The following ATF7IP variants were observed in gnomAD, a reference collection of about 807,000 sequenced individuals.
ATF7IP encodes activating transcription factor 7-interacting protein 1.
ATF7IP carries 23 observed loss-of-function variants against 106.4 expected under a neutral mutation model. The observed-to-expected ratio is 0.22, with a 90% CI of 0.16 to 0.31. ATF7IP has a LOEUF of 0.31. Among genes scored for constraint, ATF7IP ranks in the 10% least tolerant of loss-of-function variants. ATF7IP has a pLI of 1.00. For missense variants in ATF7IP, 1,334 were observed against 1,524.3 expected (o/e 0.88, Z 2.08); for synonymous variants, 542 against 539.0 (o/e 1.01, Z -0.08).
In ATF7IP at chr12:14,460,401, A is replaced by G. The variant is rs1943591792; in HGVS notation, c.2159-94A>G. ...AAAGACTTTACAGTCTTTGCAATGT[A>G]TTACGCAATGTATTTAATTTGTGTC... On this transcript the variant is annotated intron_variant, in intron 8 of 14. Transcript: ENST00000261168. The G allele has an allele frequency of 4.8e-6, 6 of 1,253,676 alleles. No individual in the cohort carries two copies. In the South Asian group the frequency reaches 7.4e-5, roughly 15 times the overall value. The allele number at this position is 1,253,676 out of a possible 1,614,324, so 77.7% of individuals were successfully genotyped here.
At chr12:14,462,460 A>C (rs1467318029) in intron 9 of ATF7IP, among the ~76,000 whole-genome samples, 1 of 151,956 alleles carries the variant, frequency 6.6e-6, no homozygotes, top group Non-Finnish European at 1.5e-5. Flanking sequence ...CTCCTTATGA[A>C]ATTTTGAGGC....
intron 1 of ATF7IP, among the ~76,000 whole-genome samples, chr12:14,366,641 T>C (rs996860299): frequency 4.6e-5 from 7 of 152,220 alleles, no homozygotes; most frequent in African/African-American, 1.7e-4. Context: ...GTTTTAAGTT[T>C]CTTAGGTGAC....
At chr12:14,471,399 A>G (rs1944038568) in intron 10 of ATF7IP, among the ~76,000 whole-genome samples, 2 of 151,962 alleles carry the variant, frequency 1.3e-5, no homozygotes, top group Admixed American at 1.3e-4. Context: ...TTCTTCCTTT[A>G]ATTTTGTCAG....
chr12:14,463,897 A>C (rs1943731537), intron 9 of ATF7IP, among the ~76,000 whole-genome samples: 1 of 152,218 alleles, frequency 6.6e-6, no homozygotes, highest in African/African-American at 2.4e-5. Flanking sequence ...GACATTGTTA[A>C]ATGCTGTTCC....
At chr12:14,410,196 G>A (rs981463664) in intron 1 of ATF7IP, among the ~76,000 whole-genome samples, 1 of 152,032 alleles carries the variant, frequency 6.6e-6, no homozygotes, top group Non-Finnish European at 1.5e-5. Context: ...CACAGTTTTC[G>A]TTTTCTGTGG....
intron 13 of ATF7IP, among the ~76,000 whole-genome samples, chr12:14,488,410 G>T (rs1292648074): frequency 6.6e-6 from 1 of 152,102 alleles, no homozygotes; most frequent in African/African-American, 2.4e-5. Context: ...TCCAGCACAG[G>T]AAAAAGATGT....
intron 13 of ATF7IP, among the ~76,000 whole-genome samples, chr12:14,489,951 C>T (rs1945335230): frequency 6.6e-6 from 1 of 152,168 alleles, no homozygotes; most frequent in African/African-American, 2.4e-5. Context: ...TCTTCCCTTT[C>T]CATGATGGAA....
chr12:14,385,242 T>A, intron 1 of ATF7IP: 1 of 606,064 alleles, frequency 1.6e-6, no homozygotes, highest in Non-Finnish European at 2.7e-6. Flanking sequence ...GAGTTTTCAC[T>A]GTGTGAGTTC....
intron 10 of ATF7IP, among the ~76,000 whole-genome samples, chr12:14,470,109 G>C (rs565009840): frequency 2.8e-4 from 43 of 152,168 alleles, no homozygotes; most frequent in African/African-American, 1.0e-3. Context: ...CAACGTTCTT[G>C]ATAACTAACC....
Position 14,396,335 on chromosome 12 carries a change from T to C in ATF7IP, c.-7-27574T>C, listed in dbSNP as rs1186856232. Among the ~76,000 whole-genome samples, 3 of 152,274 alleles carry C rather than the reference T, an allele frequency of 2.0e-5. No individual in the cohort carries two copies. The South Asian group carries it at 6.2e-4, about 32-fold the overall frequency. On this transcript the variant is annotated intron_variant, in intron 1 of 14. Coordinates refer to ENST00000261168, the MANE Select transcript of ATF7IP (RefSeq NM_018179.5). ...TTGGTCACTTATTGCTACATAGTTG[T>C]ATACTTTAAAACTGGGGGCCAGCTG... is the stretch of plus-strand genomic sequence containing the variant.
intron 12 of ATF7IP, among the ~76,000 whole-genome samples, chr12:14,480,778 T>C (rs1944404728): frequency 6.6e-6 from 1 of 152,184 alleles, no homozygotes; most frequent in Non-Finnish European, 1.5e-5. Context: ...GGAAGGGAAT[T>C]GGATGTGGTG....
At chr12:14,463,243 AC>A (rs1943708276) in intron 9 of ATF7IP, among the ~76,000 whole-genome samples, 1 of 152,152 alleles carries the variant, frequency 6.6e-6, no homozygotes, top group South Asian at 2.1e-4. Context: ...ACTTAAAAGA[AC>A]ATATGCTATA....
chr12:14,467,694 A>G (rs1244817542), intron 10 of ATF7IP, among the ~76,000 whole-genome samples: 1 of 152,006 alleles, frequency 6.6e-6, no homozygotes, highest in Non-Finnish European at 1.5e-5. Flanking sequence ...TTAACAAGTA[A>G]TATTTTCAAG....
intron 1 of ATF7IP, chr12:14,420,168 A>G (rs899976698): frequency 4.6e-5 from 7 of 152,206 alleles, no homozygotes; most frequent in Admixed American, 4.6e-4. Context: ...AACCTAGTAT[A>G]GGATTTGAGT....
intron 13 of ATF7IP, 45 bp from the exon 14 acceptor site, chr12:14,496,186 A>G: frequency 8.1e-7 from 1 of 1,231,050 alleles, no homozygotes; most frequent in Non-Finnish European, 1.2e-6. Context: ...CCAAATTTAC[A>G]ATAGAATTAT....
intron 13 of ATF7IP, among the ~76,000 whole-genome samples, chr12:14,486,842 G>C (rs1944636363): frequency 6.6e-6 from 1 of 151,894 alleles, no homozygotes; most frequent in African/African-American, 2.4e-5. Flanking sequence ...CCCACCGTTA[G>C]ATCTGACATA....
chr12:14,370,993 T>A (rs970464521), intron 1 of ATF7IP, among the ~76,000 whole-genome samples: 31 of 151,822 alleles, frequency 2.0e-4, no homozygotes, highest in African/African-American at 7.0e-4. Context: ...AGATAAAAAA[T>A]TTTTATTTTA....
In ATF7IP at chr12:14,424,054, A is replaced by C; in HGVS notation, c.139A>C (p.Asn47His). 1 of 1,614,204 alleles carries C rather than the reference A, an allele frequency of 6.2e-7. No individual in the cohort carries two copies. The highest frequency in any genetic ancestry group is 8.5e-7 in the Non-Finnish European group (1 of 1,180,024). ...LKTDVKLLNG[N>H]HENGDLDPTS... is the part of the protein sequence containing the mutation. ...AACTGATGTCAAGCTGTTAAATGGC[A>C]ACCATGAAAATGGAGATTTGGACCC... The change falls in exon 2 of 15, where the codon AAC (asparagine) becomes CAC (histidine). Residue 47 changes from asparagine (N) to histidine (H), a missense_variant. Physicochemically the swap from Asn to His is moderately conservative, Grantham distance 68. Transcript: ENST00000261168.
At chr12:14,390,735 CTTTATT>C (rs1236221911) in intron 1 of ATF7IP, among the ~76,000 whole-genome samples, 1 of 152,118 alleles carries the variant, frequency 6.6e-6, no homozygotes, top group Non-Finnish European at 1.5e-5. Flanking sequence ...CCATTACAAA[CTTTATT>C]TTTGTTGAAA....
Sources: allele counts gnomAD v4.1 joint callset (sites outside exome capture counted in the v4.1 genomes callset), GRCh38; gene constraint gnomAD v4.1.1; transcripts MANE v1.5; gene names NCBI Gene and HGNC (gene_info 2026-07-23, HGNC 2026-07-21).